The following FSTL4 variants were observed in gnomAD, a reference collection of about 807,000 sequenced individuals.
FSTL4 encodes follistatin-related protein 4.
In FSTL4, 28 loss-of-function variants were observed where a neutral mutation model predicts 78.2. The ratio of observed to expected loss-of-function variants is 0.36; its 90% confidence interval spans 0.27 to 0.49. FSTL4 has a LOEUF of 0.49. Among genes scored for constraint, FSTL4 ranks in the 20% least tolerant of loss-of-function variants. The probability of loss-of-function intolerance (pLI) is 0.98; values close to 1 mark genes in which losing one functional copy is unlikely to be tolerated. For missense variants in FSTL4, 922 were observed against 1,084.9 expected (o/e 0.85, Z 2.11); for synonymous variants, 422 against 440.5 (o/e 0.96, Z 0.53).
chr5:133,485,818 C>A (rs1355236206), intron 3 of FSTL4, among the ~76,000 whole-genome samples: 1 of 152,210 alleles, frequency 6.6e-6, no homozygotes, highest in African/African-American at 2.4e-5. Flanking sequence ...TGCCTGGGAG[C>A]ATCTTACCCA....
chr5:133,252,952 G>A (rs149791484), intron 6 of FSTL4, among the ~76,000 whole-genome samples: 23 of 152,272 alleles, frequency 1.5e-4, no homozygotes, highest in Non-Finnish European at 2.8e-4. Context: ...GGAAAAACTC[G>A]TGCAAAATTA....
chr5:133,263,394 T>A (rs1752574585), intron 6 of FSTL4, among the ~76,000 whole-genome samples: 1 of 152,066 alleles, frequency 6.6e-6, no homozygotes, highest in Non-Finnish European at 1.5e-5. Context: ...GGTGGAGTTC[T>A]GGGACCCCCA....
chr5:133,373,998 A>C (rs1755376645), intron 4 of FSTL4, among the ~76,000 whole-genome samples: 1 of 152,188 alleles, frequency 6.6e-6, no homozygotes, highest in African/African-American at 2.4e-5. Flanking sequence ...TGTGAGGGCT[A>C]AGCTGCTTGC....
intron 6 of FSTL4, among the ~76,000 whole-genome samples, chr5:133,257,445 G>A (rs1471194145): frequency 1.3e-5 from 2 of 152,194 alleles, no homozygotes; most frequent in Non-Finnish European, 2.9e-5. Flanking sequence ...CCTGTGCAGG[G>A]GCAGGGTTAC....
intron 6 of FSTL4, 39 bp downstream of exon 6, chr5:133,312,615 T>A: frequency 2.5e-6 from 4 of 1,607,480 alleles, no homozygotes; most frequent in Non-Finnish European, 3.4e-6. Context: ...CAGAAGCACC[T>A]GCAGAAATAA....
chr5:133,367,891 C>T (rs1277424983), intron 4 of FSTL4, among the ~76,000 whole-genome samples: 1 of 152,260 alleles, frequency 6.6e-6, no homozygotes, highest in Non-Finnish European at 1.5e-5. Flanking sequence ...AACACAGTTT[C>T]ACATTTCATT....
rs577012685 is a variant in FSTL4 at position 133,233,235 on chromosome 5, T to A, written c.1015+182A>T. 2.5e-4 allele frequency among the ~76,000 whole-genome samples: 38 copies of A among 152,362 alleles called. No individual in the cohort carries two copies. The East Asian group carries it at 5.6e-3, about 22-fold the overall frequency. ...TGGAGGCTTTGGGTGGAGCCAAATATGAAAATTGGTCAACAGACTTTGCCC... is the reference window on the plus strand; with the variant it reads ...TGGAGGCTTTGGGTGGAGCCAAATAAGAAAATTGGTCAACAGACTTTGCCC... On this transcript the variant is annotated intron_variant, in intron 8 of 15. Transcript: ENST00000265342.
At chr5:133,676,076 G>T in the FSTL4 span, among the ~76,000 whole-genome samples, 6 of 152,198 alleles carry the variant, frequency 3.9e-5, no homozygotes, top group Non-Finnish European at 8.8e-5. Flanking sequence ...GAATTAGAAT[G>T]TTTACTTTCT....
intron 1 of FSTL4, among the ~76,000 whole-genome samples, chr5:133,605,193 C>T (rs1182125306): frequency 2.0e-5 from 3 of 152,154 alleles, no homozygotes; most frequent in Non-Finnish European, 2.9e-5. Flanking sequence ...TTATGTAGTA[C>T]TTAGAACCCC....
At chr5:133,203,240 A>G (rs1180095236) in intron 14 of FSTL4, among the ~76,000 whole-genome samples, 1 of 152,110 alleles carries the variant, frequency 6.6e-6, no homozygotes, top group Admixed American at 6.5e-5. Context: ...TCTAATCATG[A>G]TATTGTGGCC....
the FSTL4 span, chr5:133,720,509 G>A: frequency 6.5e-6 from 1 of 153,538 alleles, no homozygotes; most frequent in African/African-American, 2.4e-5. Flanking sequence ...CAATAATGAA[G>A]AAGTTCTGTA....
intron 7 of FSTL4, among the ~76,000 whole-genome samples, chr5:133,241,989 C>T (rs1459144827): frequency 1.3e-5 from 2 of 152,124 alleles, no homozygotes; most frequent in Middle Eastern, 3.2e-3. Context: ...ACACTGTGTT[C>T]AAAACTCTTA....
chr5:133,705,869 G>GCGCGCACACACA, the FSTL4 span, among the ~76,000 whole-genome samples: 4 of 147,806 alleles, frequency 2.7e-5, no homozygotes, highest in African/African-American at 9.9e-5. Context: ...ACACACACAC[G>GCGCGCACACACA]CACACACACA....
At chr5:133,379,501 C>A (rs1755515894) in intron 4 of FSTL4, among the ~76,000 whole-genome samples, 1 of 151,666 alleles carries the variant, frequency 6.6e-6, no homozygotes, top group South Asian at 2.1e-4. Context: ...TATACTAGAC[C>A]AGAATAGAAA....
At chr5:133,840,488 C>T in the FSTL4 span, among the ~76,000 whole-genome samples, 1 of 152,204 alleles carries the variant, frequency 6.6e-6, no homozygotes, top group Non-Finnish European at 1.5e-5. Flanking sequence ...AATGGCTGAA[C>T]CATCACAGGG....
chr5:133,511,012 G>A (rs187156767), intron 3 of FSTL4, among the ~76,000 whole-genome samples: 1 of 152,278 alleles, frequency 6.6e-6, no homozygotes, highest in East Asian at 1.9e-4. Context: ...TCTCTTGCTT[G>A]GTCATCTCTC....
At chr5:133,737,628 G>C in the FSTL4 span, among the ~76,000 whole-genome samples, 3 of 133,952 alleles carry the variant, frequency 2.2e-5, no homozygotes, top group Non-Finnish European at 3.1e-5. Context: ...TTTTTGAGAC[G>C]GAGTCTCACT....
At chr5:133,376,549 A>C (rs899793967) in intron 4 of FSTL4, among the ~76,000 whole-genome samples, 6 of 152,198 alleles carry the variant, frequency 3.9e-5, no homozygotes, top group Non-Finnish European at 7.3e-5. Context: ...TTTTAAAAAA[A>C]ACACACACAC....
intron 8 of FSTL4, among the ~76,000 whole-genome samples, chr5:133,227,708 A>G (rs1347691830): frequency 2.6e-5 from 4 of 152,234 alleles, no homozygotes; most frequent in East Asian, 3.9e-4. Flanking sequence ...AGAAGAATCA[A>G]TGGAGACAGA....
Sources: gnomAD v4.1 joint callset for allele counts (sites outside exome capture counted in the v4.1 genomes callset) on GRCh38, gnomAD v4.1.1 for gene constraint, MANE v1.5 for transcripts, NCBI Gene and HGNC (gene_info 2026-07-23, HGNC 2026-07-21) for gene names.